KIZ: variants seen among roughly 807,000 people sequenced by gnomAD.
KIZ encodes kizuna centrosomal protein.
KIZ carries 68 observed loss-of-function variants against 79.6 expected under a neutral mutation model. That is an observed-to-expected ratio of 0.85 (90% CI 0.70 to 1.05). KIZ has a LOEUF of 1.05. Among genes scored for constraint, KIZ ranks in the 50% least tolerant of loss-of-function variants. KIZ has a pLI of 0.00. For synonymous variants in KIZ, 280 were observed against 281.8 expected (o/e 0.99, Z 0.06); for missense variants, 797 against 800.4 (o/e 1.00, Z 0.05).
chr20:21,152,181 C>T (rs961967405), intron 4 of KIZ, among the ~76,000 whole-genome samples: 1 of 152,140 alleles, frequency 6.6e-6, no homozygotes, highest in African/African-American at 2.4e-5. Flanking sequence ...TGGTTTGCTT[C>T]AGTTACTTCA....
intron 6 of KIZ, among the ~76,000 whole-genome samples, chr20:21,170,041 G>T (rs986252870): frequency 5.3e-5 from 8 of 152,186 alleles, no homozygotes; most frequent in African/African-American, 1.9e-4. Flanking sequence ...CTCTGTGCAG[G>T]TTTTTGTGTG....
intron 1 of KIZ, among the ~76,000 whole-genome samples, chr20:21,129,838 G>A (rs1391906604): frequency 6.6e-6 from 1 of 152,150 alleles, no homozygotes; most frequent in Non-Finnish European, 1.5e-5. Context: ...CTGTCACCCA[G>A]ATCCCTCAAC....
chr20:21,244,166 C>A, intron 11 of KIZ, 79 bp from the exon 12 acceptor site: 1 of 994,280 alleles, frequency 1.0e-6, no homozygotes, highest in South Asian at 1.4e-5. Context: ...AGTGCTTCTT[C>A]TCTAATGCGT....
At chr20:21,131,896 C>T in intron 1 of KIZ, 1 of 409,982 alleles carries the variant, frequency 2.4e-6, no homozygotes, top group Non-Finnish European at 4.4e-6. Flanking sequence ...ACTTTTGTGC[C>T]TTTTGTTTTA....
intron 11 of KIZ, among the ~76,000 whole-genome samples, chr20:21,243,162 A>G (rs1026721525): frequency 5.3e-5 from 8 of 152,092 alleles, no homozygotes; most frequent in Non-Finnish European, 1.0e-4. Context: ...TGGCCTTTCC[A>G]GATGCTCGTA....
intron 3 of KIZ, among the ~76,000 whole-genome samples, chr20:21,139,900 A>G (rs2032420618): frequency 6.6e-6 from 1 of 152,152 alleles, no homozygotes. Context: ...TTCTTCTAGT[A>G]GCGTAAAAGA....
At chr20:21,196,050 C>T (rs922556622) in intron 6 of KIZ, 1 of 152,506 alleles carries the variant, frequency 6.6e-6, no homozygotes, top group Non-Finnish European at 1.5e-5. Context: ...TCCTCACCAA[C>T]TCCATCCTTG....
At chr20:21,188,676 T>TTTTATTTATTTATTTATTTA (rs149324316) in intron 6 of KIZ, among the ~76,000 whole-genome samples, 49 of 141,880 alleles carry the variant, frequency 3.5e-4, no homozygotes, top group East Asian at 1.9e-3. Context: ...TTGCATTTTA[T>TTTTATTTATTTATTTATTTA]TTTATTTATT....
intron 4 of KIZ, among the ~76,000 whole-genome samples, chr20:21,147,837 G>A (rs771573219): frequency 6.6e-6 from 1 of 152,164 alleles, no homozygotes; most frequent in Non-Finnish European, 1.5e-5. Flanking sequence ...TGGTGTGTGA[G>A]CTGGCATAGA....
At chr20:21,207,392 A>G (rs1008880410) in intron 7 of KIZ, among the ~76,000 whole-genome samples, 7 of 151,794 alleles carry the variant, frequency 4.6e-5, no homozygotes, top group Non-Finnish European at 7.4e-5. Flanking sequence ...CCAAATTCAC[A>G]TATGTTGTTA....
At chr20:21,157,736 C>A (rs2033452297) in intron 4 of KIZ, among the ~76,000 whole-genome samples, 2 of 152,176 alleles carry the variant, frequency 1.3e-5, no homozygotes, top group South Asian at 4.1e-4. Context: ...CTTTGGCCCT[C>A]CTCAGGTGTC....
At chr20:21,168,601 C>A (rs563574872) in intron 6 of KIZ, among the ~76,000 whole-genome samples, 1 of 152,250 alleles carries the variant, frequency 6.6e-6, no homozygotes, top group Admixed American at 6.5e-5. Flanking sequence ...TCATATAGAA[C>A]CAAAAGAGAG....
At chr20:21,217,235 C>T (rs555006229) in intron 9 of KIZ, among the ~76,000 whole-genome samples, 1 of 152,298 alleles carries the variant, frequency 6.6e-6, no homozygotes, top group Admixed American at 6.5e-5. Context: ...CCAGGGACCT[C>T]CCATGAAATT....
chr20:21,189,824 C>G (rs1433118270), intron 6 of KIZ, among the ~76,000 whole-genome samples: 5 of 152,108 alleles, frequency 3.3e-5, no homozygotes, highest in African/African-American at 1.2e-4. Flanking sequence ...CACAGCCTGC[C>G]GTGGTCGCCT....
At chr20:21,127,790 G>A (rs190123947) in intron 1 of KIZ, among the ~76,000 whole-genome samples, 1 of 152,336 alleles carries the variant, frequency 6.6e-6, no homozygotes, top group East Asian at 1.9e-4. Flanking sequence ...GTGACCTTGA[G>A]CAGGTTGTTC....
chr20:21,184,081 A>C (rs1020662559), intron 6 of KIZ, among the ~76,000 whole-genome samples: 4 of 151,664 alleles, frequency 2.6e-5, no homozygotes, highest in African/African-American at 9.7e-5. Flanking sequence ...TCAGAATAAA[A>C]CTGGGTTCTG....
intron 10 of KIZ, among the ~76,000 whole-genome samples, chr20:21,229,939 T>A (rs1276557296): frequency 6.6e-6 from 1 of 152,174 alleles, no homozygotes; most frequent in Non-Finnish European, 1.5e-5. Context: ...TTAATTGTAA[T>A]TTTTTTATAC....
chr20:21,131,985 G>T, intron 1 of KIZ, 112 bp from the exon 2 acceptor site: 1 of 594,436 alleles, frequency 1.7e-6, no homozygotes, highest in East Asian at 3.2e-5. Flanking sequence ...GGCTTTTTTT[G>T]ACCTCTAATC....
intron 4 of KIZ, among the ~76,000 whole-genome samples, chr20:21,148,178 A>G (rs1339677289): frequency 1.3e-5 from 2 of 152,168 alleles, no homozygotes; most frequent in Non-Finnish European, 2.9e-5. Context: ...GGGGATGGCC[A>G]TTGAGGTGGA....
Sources: gnomAD v4.1 joint callset for allele counts (sites outside exome capture counted in the v4.1 genomes callset) on GRCh38, gnomAD v4.1.1 for gene constraint, MANE v1.5 for transcripts, NCBI Gene and HGNC (gene_info 2026-07-23, HGNC 2026-07-21) for gene names.